The following POU2AF2 variants were observed in gnomAD, a reference collection of about 807,000 sequenced individuals.
POU2AF2 encodes POU domain class 2-associating factor 2.
At chr11:111,252,947 T>C in the POU2AF2 span, among the ~76,000 whole-genome samples, 3 of 152,230 alleles carry the variant, frequency 2.0e-5, no homozygotes, top group Non-Finnish European at 4.4e-5. Context: ...ACTTCTGAGT[T>C]ATTCTTGGTA....
chr11:111,286,261 C>T, the POU2AF2 span: 42 of 547,886 alleles, frequency 7.7e-5, no homozygotes, highest in East Asian at 1.2e-3. Flanking sequence ...TGTCAGAGAC[C>T]GTATTCTAGT....
the POU2AF2 span, among the ~76,000 whole-genome samples, chr11:111,247,042 A>G: frequency 2.6e-5 from 4 of 151,852 alleles, no homozygotes; most frequent in South Asian, 6.3e-4. Flanking sequence ...TAGATTCCAC[A>G]TTCAAGTGAG....
chr11:111,254,923 A>C, the POU2AF2 span, among the ~76,000 whole-genome samples: 3 of 152,236 alleles, frequency 2.0e-5, no homozygotes, highest in Non-Finnish European at 4.4e-5. Flanking sequence ...CTACTACAGA[A>C]CAACAATTAT....
the POU2AF2 span, among the ~76,000 whole-genome samples, chr11:111,262,679 A>G: frequency 1.3e-5 from 2 of 152,126 alleles, no homozygotes; most frequent in African/African-American, 4.8e-5. Flanking sequence ...TCTGGCTACA[A>G]ATGGTCTTGG....
chr11:111,274,092 G>A, the POU2AF2 span, among the ~76,000 whole-genome samples: 40,782 of 152,006 alleles, frequency 0.27, 5,759 homozygotes, highest in Admixed American at 0.34. Context: ...CCTTCACGTA[G>A]GAAATGACAA....
the POU2AF2 span, among the ~76,000 whole-genome samples, chr11:111,284,662 T>C: frequency 5.9e-5 from 9 of 152,234 alleles, no homozygotes; most frequent in Non-Finnish European, 1.2e-4. Flanking sequence ...TGATATTGCC[T>C]GATGTTCCCC....
chr11:111,279,840 G>C, the POU2AF2 span, among the ~76,000 whole-genome samples: 1 of 151,586 alleles, frequency 6.6e-6, no homozygotes, highest in Non-Finnish European at 1.5e-5. Context: ...TCAGGAGTTC[G>C]AGACCAGCCT....
At chr11:111,281,670 G>C in the POU2AF2 span, among the ~76,000 whole-genome samples, 1 of 152,172 alleles carries the variant, frequency 6.6e-6, no homozygotes, top group Non-Finnish European at 1.5e-5. Flanking sequence ...TGGGGCAAAG[G>C]CAATATAAAT....
the POU2AF2 span, among the ~76,000 whole-genome samples, chr11:111,264,942 G>C: frequency 6.8e-6 from 1 of 147,068 alleles, no homozygotes; most frequent in East Asian, 2.0e-4. Context: ...GAAAGAGGGA[G>C]GGAGGGAGGG....
the POU2AF2 span, among the ~76,000 whole-genome samples, chr11:111,275,104 T>A: frequency 6.6e-6 from 1 of 152,222 alleles, no homozygotes; most frequent in South Asian, 2.1e-4. Flanking sequence ...AAATGTCTGC[T>A]GGAAAATGTT....
At chr11:111,264,135 G>A in the POU2AF2 span, among the ~76,000 whole-genome samples, 1 of 152,144 alleles carries the variant, frequency 6.6e-6, no homozygotes, top group Non-Finnish European at 1.5e-5. Flanking sequence ...AGAGTTGAGT[G>A]TGACCATCAG....
the POU2AF2 span, among the ~76,000 whole-genome samples, chr11:111,268,484 TTTATTTTA>T: frequency 0.016 from 718 of 44,694 alleles, 50 homozygotes; most frequent in African/African-American, 0.037. Flanking sequence ...CTTTTTTTAT[TTTATTTTA>T]TTTTATTTTA....
the POU2AF2 span, among the ~76,000 whole-genome samples, chr11:111,252,908 C>T: frequency 1.8e-4 from 27 of 152,274 alleles, no homozygotes; most frequent in South Asian, 5.6e-3. Flanking sequence ...CCTCCATTGA[C>T]ATTATTGTCT....
chr11:111,267,165 G>A, the POU2AF2 span, among the ~76,000 whole-genome samples: 3 of 152,196 alleles, frequency 2.0e-5, no homozygotes. Flanking sequence ...CTGGACCCAA[G>A]AAGTTTTCAA....
At chr11:111,265,427 G>A in the POU2AF2 span, among the ~76,000 whole-genome samples, 1 of 152,066 alleles carries the variant, frequency 6.6e-6, no homozygotes, top group Admixed American at 6.6e-5. Flanking sequence ...GTGGTAAAGT[G>A]ATTAAGTGCC....
At chr11:111,260,840 A>G in the POU2AF2 span, among the ~76,000 whole-genome samples, 1 of 152,218 alleles carries the variant, frequency 6.6e-6, no homozygotes, top group African/African-American at 2.4e-5. Context: ...TCTGAAAACT[A>G]TGTCCCCCGC....
chr11:111,278,750 C>A, the POU2AF2 span, among the ~76,000 whole-genome samples: 21 of 152,296 alleles, frequency 1.4e-4, no homozygotes, highest in African/African-American at 4.8e-4. Flanking sequence ...ATAGGCTTGT[C>A]TTCAGATATT....
the POU2AF2 span, chr11:111,286,293 CT>C: frequency 4.3e-6 from 2 of 466,034 alleles, no homozygotes; most frequent in Non-Finnish European, 3.7e-6. Context: ...ACAATGTGGT[CT>C]TTTTGGAACT....
the POU2AF2 span, chr11:111,281,576 A>G: frequency 1.0e-6 from 1 of 962,892 alleles, no homozygotes; most frequent in Non-Finnish European, 1.6e-6. Context: ...AAAATACAAA[A>G]TCAGCGAAGG....
Sources: gnomAD v4.1 joint callset for allele counts (sites outside exome capture counted in the v4.1 genomes callset) on GRCh38, gnomAD v4.1.1 for gene constraint, MANE v1.5 for transcripts, NCBI Gene and HGNC (gene_info 2026-07-23, HGNC 2026-07-21) for gene names.